SEMA6D: variants seen among roughly 807,000 people sequenced by gnomAD.
The protein encoded by SEMA6D is semaphorin 6D.
Under a neutral mutation model 106.6 loss-of-function variants are expected in SEMA6D, and 35 were observed. The ratio of observed to expected loss-of-function variants is 0.33; its 90% CI spans 0.25 to 0.44. SEMA6D has a LOEUF of 0.44. Ranked by LOEUF, SEMA6D falls within the 20% of genes least tolerant of loss-of-function variation. The pLI, the probability that SEMA6D is intolerant of heterozygous loss-of-function variation, is 1.00. For synonymous variants in SEMA6D, 499 were observed against 487.7 expected (o/e 1.02, Z -0.31); for missense variants, 1,185 against 1,345.9 (o/e 0.88, Z 1.87).
intron 1 of SEMA6D, among the ~76,000 whole-genome samples, chr15:47,248,746 C>A (rs2033342257): frequency 6.6e-6 from 1 of 152,150 alleles, no homozygotes; most frequent in Non-Finnish European, 1.5e-5. Context: ...ATGTGCCTGA[C>A]TCCCTAATAG....
chr15:47,609,686 G>A (rs1596439291), intron 4 of SEMA6D, among the ~76,000 whole-genome samples: 1 of 152,078 alleles, frequency 6.6e-6, no homozygotes, highest in Non-Finnish European at 1.5e-5. Context: ...CTTTATCCCC[G>A]TAACCCAATT....
At chr15:47,507,462 C>T (rs2044086488) in intron 3 of SEMA6D, among the ~76,000 whole-genome samples, 1 of 151,656 alleles carries the variant, frequency 6.6e-6, no homozygotes, top group Admixed American at 6.6e-5. Flanking sequence ...AGTGCCAGAG[C>T]CAGAGCAAGA....
At chr15:47,547,212 T>G (rs1783394761) in intron 3 of SEMA6D, among the ~76,000 whole-genome samples, 2 of 152,104 alleles carry the variant, frequency 1.3e-5, no homozygotes, top group Admixed American at 1.3e-4. Context: ...GAAAAAATGT[T>G]GAAAATTAAA....
chr15:47,241,204 C>T (rs557061218), intron 1 of SEMA6D: 1 of 152,268 alleles, frequency 6.6e-6, no homozygotes, highest in South Asian at 2.1e-4. Flanking sequence ...TATTTTCCCA[C>T]TTACTATTCA....
chr15:47,430,263 G>A (rs1004762097), intron 2 of SEMA6D, among the ~76,000 whole-genome samples: 14 of 151,892 alleles, frequency 9.2e-5, no homozygotes, highest in Admixed American at 2.0e-4. Flanking sequence ...ATTCCTTTTT[G>A]TTAGCATAGG....
intron 1 of SEMA6D, among the ~76,000 whole-genome samples, chr15:47,367,182 A>C (rs1268453961): frequency 2.6e-5 from 4 of 152,180 alleles, no homozygotes; most frequent in African/African-American, 9.7e-5. Context: ...GTAATTGCAC[A>C]ATAACTGTTG....
rs1459062779 is a variant in SEMA6D, at chr15:47,682,879, C to T, written c.-54-76866C>T. Among the ~76,000 whole-genome samples the T allele has an allele frequency of 3.3e-5, 5 of 152,236 alleles. 1 individual carries two copies. The South Asian group carries it at 1.0e-3, about 32-fold the overall frequency. The stretch of plus-strand genomic sequence containing the variant: ...GAAACCCTGGATACCACACAAACAC[C>T]ATTTGAGAGAAGAGGGACAGATTTC... On this transcript the variant is annotated intron_variant, in intron 4 of 19. Transcript: ENST00000558014.
Position 47,722,139 on chromosome 15 carries a change from A to G in SEMA6D, c.-55+4447A>G, listed in dbSNP as rs1447560945. Among the ~76,000 whole-genome samples the G allele has an allele frequency of 2.6e-5, 4 of 152,258 alleles. No homozygotes were observed. The East Asian group carries it at 7.7e-4, about 29-fold the overall frequency. On this transcript the variant is annotated intron_variant, in intron 1 of 18. Coordinates refer to ENST00000536845, the MANE Select transcript of SEMA6D (RefSeq NM_001358351.3). ...TTGCCACCTTGCAATGGTGTGTTCC[A>G]TTTAAAAGGAGGCTTGCCCCAACCT...
rs1566882506 is a variant in SEMA6D at position 47,552,827 on chromosome 15, T to TTTTTTTATATATATAAATATATATA, written c.-86-48034_-86-48033insTTATATATATAAATATATATATTTT. ...ATAAAAATATATATAAATATATATA[T>TTTTTTTATATATATAAATATATATA]TTTTATATATATATAAATATATATA... On this transcript the variant is annotated intron_variant, in intron 3 of 19. Transcript: ENST00000558014. Among the ~76,000 whole-genome samples the TTTTTTTATATATATAAATATATATA allele has an allele frequency of 1.3e-4, 2 of 15,778 alleles. 1 individual carries two copies. The highest frequency in any genetic ancestry group is 4.1e-4 in the African/African-American group (2 of 4,938). 10.4% of individuals were successfully genotyped at this position (15,778 alleles called of 152,430 possible).
At chr15:47,761,522 T>G (rs1247907626) in intron 6 of SEMA6D, 91 bp downstream of exon 6, 2 of 1,282,376 alleles carry the variant, frequency 1.6e-6, no homozygotes, top group East Asian at 2.4e-5. Context: ...TGCTTTCCAG[T>G]AATTTGTTTT....
intron 4 of SEMA6D, among the ~76,000 whole-genome samples, chr15:47,602,585 C>T (rs947455774): frequency 3.3e-5 from 5 of 151,594 alleles, no homozygotes; most frequent in African/African-American, 1.2e-4. Flanking sequence ...CCAGAAATCA[C>T]TGTAGATTCT....
chr15:47,518,194 A>T (rs533165112), intron 3 of SEMA6D, among the ~76,000 whole-genome samples: 1 of 152,326 alleles, frequency 6.6e-6, no homozygotes, highest in African/African-American at 2.4e-5. Flanking sequence ...TAGGAATTTA[A>T]TTTTTAATAA....
chr15:47,522,453 C>T (rs2044616397), intron 3 of SEMA6D, among the ~76,000 whole-genome samples: 1 of 152,132 alleles, frequency 6.6e-6, no homozygotes, highest in Non-Finnish European at 1.5e-5. Flanking sequence ...ATGTACCTGG[C>T]CTGTCTCATT....
chr15:47,399,311 C>T (rs1277324284), intron 1 of SEMA6D: 1 of 152,148 alleles, frequency 6.6e-6, no homozygotes, highest in Non-Finnish European at 1.5e-5. Flanking sequence ...AGCTCAGCTC[C>T]CAACAATCTG....
At chr15:47,231,202 T>C (rs904734485) in intron 1 of SEMA6D, among the ~76,000 whole-genome samples, 3 of 151,948 alleles carry the variant, frequency 2.0e-5, no homozygotes, top group Non-Finnish European at 4.4e-5. Context: ...AGCTTAGCGG[T>C]TGAAATCCTT....
chr15:47,401,873 A>T (rs979374921), intron 1 of SEMA6D, among the ~76,000 whole-genome samples: 2 of 152,130 alleles, frequency 1.3e-5, no homozygotes, highest in African/African-American at 4.8e-5. Context: ...CATTTGTCCA[A>T]TGTTTTTTCC....
intron 1 of SEMA6D, among the ~76,000 whole-genome samples, chr15:47,383,061 G>A (rs2145656364): frequency 6.6e-6 from 1 of 152,212 alleles, no homozygotes; most frequent in Admixed American, 6.5e-5. Flanking sequence ...CCACCACCTG[G>A]TCCTAATTTT....
intron 3 of SEMA6D, among the ~76,000 whole-genome samples, chr15:47,493,447 G>A (rs2141467731): frequency 6.6e-6 from 1 of 152,264 alleles, no homozygotes; most frequent in South Asian, 2.1e-4. Flanking sequence ...ATCTTAGCTA[G>A]AAAGGCACTT....
chr15:47,762,892 A>G, intron 8 of SEMA6D, 124 bp from the exon 9 acceptor site: 1 of 673,772 alleles, frequency 1.5e-6, no homozygotes, highest in Non-Finnish European at 2.5e-6. Flanking sequence ...AGTCATTGGC[A>G]GATTGGAGTT....
Sources: gnomAD v4.1 joint callset for allele counts (sites outside exome capture counted in the v4.1 genomes callset) on GRCh38, gnomAD v4.1.1 for gene constraint, MANE v1.5 for transcripts, NCBI Gene and HGNC (gene_info 2026-07-23, HGNC 2026-07-21) for gene names.